CYTH3: variants seen among roughly 807,000 people sequenced by gnomAD.
CYTH3 encodes cytohesin 3.
Under a neutral mutation model 55.1 loss-of-function variants are expected in CYTH3, and 23 were observed. That is an observed-to-expected ratio of 0.42 (90% CI 0.30 to 0.59). The LOEUF is 0.59. Ranked by LOEUF, CYTH3 falls within the 20% of genes least tolerant of loss-of-function variation. The probability of loss-of-function intolerance (pLI) is 0.20; values close to 1 mark genes in which losing one functional copy is unlikely to be tolerated. For synonymous variants in CYTH3, 249 were observed against 194.9 expected, an observed-to-expected ratio of 1.28 and a Z score of -2.31; for missense variants, 413 against 524.8, an observed-to-expected ratio of 0.79 and a Z score of 2.08.
intron 1 of CYTH3, among the ~76,000 whole-genome samples, chr7:6,223,836 T>TA (rs58813864): frequency 0.049 from 1,191 of 24,322 alleles, 71 homozygotes; most frequent in Non-Finnish European, 0.069. Context: ...CAATAAATAC[T>TA]AAAAAAAAAA....
At chr7:6,250,183 T>C (rs1019699750) in intron 1 of CYTH3, among the ~76,000 whole-genome samples, 10 of 152,158 alleles carry the variant, frequency 6.6e-5, no homozygotes, top group African/African-American at 1.9e-4. Flanking sequence ...GGGAATTCTG[T>C]TTCTTGAACC....
chr7:6,224,169 C>A (rs1294257777), intron 1 of CYTH3, among the ~76,000 whole-genome samples: 1 of 152,146 alleles, frequency 6.6e-6, no homozygotes, highest in Non-Finnish European at 1.5e-5. Flanking sequence ...AGGTATCCAC[C>A]ACCATGCCTG....
intron 5 of CYTH3, among the ~76,000 whole-genome samples, chr7:6,176,965 G>A (rs542138396): frequency 1.3e-5 from 2 of 152,366 alleles, no homozygotes; most frequent in South Asian, 4.1e-4. Context: ...TGTATTTGTT[G>A]AGAAGATCAT....
At chr7:6,198,612 C>A (rs1783991978) in intron 1 of CYTH3, among the ~76,000 whole-genome samples, 1 of 152,168 alleles carries the variant, frequency 6.6e-6, no homozygotes, top group Admixed American at 6.5e-5. Flanking sequence ...TACTTGGACT[C>A]TGTTAGGTAA....
At chr7:6,176,546 G>C (rs1198568986) in intron 5 of CYTH3, among the ~76,000 whole-genome samples, 14 of 151,936 alleles carry the variant, frequency 9.2e-5, no homozygotes, top group African/African-American at 3.4e-4. Flanking sequence ...CAGGCATGAG[G>C]CACCACGCCT....
At chr7:6,188,328 G>T (rs1443951757) in intron 2 of CYTH3, among the ~76,000 whole-genome samples, 1 of 150,480 alleles carries the variant, frequency 6.6e-6, no homozygotes, top group Non-Finnish European at 1.5e-5. Flanking sequence ...GCAAGACTTG[G>T]TCTCTTTTTT....
chr7:6,212,923 A>G (rs1784354019), intron 1 of CYTH3, among the ~76,000 whole-genome samples: 1 of 152,248 alleles, frequency 6.6e-6, no homozygotes, highest in African/African-American at 2.4e-5. Context: ...CAGCTGCACC[A>G]TTTTACGTTC....
At chr7:6,218,799 G>A (rs1328714669) in intron 1 of CYTH3, among the ~76,000 whole-genome samples, 1 of 152,092 alleles carries the variant, frequency 6.6e-6, no homozygotes, top group Non-Finnish European at 1.5e-5. Flanking sequence ...GAGGTCAGGA[G>A]ATCGAGACCA....
intron 1 of CYTH3, among the ~76,000 whole-genome samples, chr7:6,266,258 A>G (rs1341663178): frequency 6.6e-6 from 1 of 152,166 alleles, no homozygotes; most frequent in East Asian, 1.9e-4. Flanking sequence ...CTGAAATGGA[A>G]GGCTTGGGTT....
intron 1 of CYTH3, among the ~76,000 whole-genome samples, chr7:6,267,601 G>A (rs1016779835): frequency 3.3e-5 from 5 of 152,142 alleles, no homozygotes; most frequent in African/African-American, 1.2e-4. Context: ...TCGGCTCATT[G>A]CAACCTCTGC....
At chr7:6,268,178 TG>T (rs1228561089) in intron 1 of CYTH3, among the ~76,000 whole-genome samples, 3 of 152,122 alleles carry the variant, frequency 2.0e-5, no homozygotes, top group Non-Finnish European at 4.4e-5. Flanking sequence ...AATTTTGTTT[TG>T]TTTTTTTGAG....
At chr7:6,220,100 G>T (rs750333705) in intron 1 of CYTH3, among the ~76,000 whole-genome samples, 1 of 151,756 alleles carries the variant, frequency 6.6e-6, no homozygotes, top group Non-Finnish European at 1.5e-5. Flanking sequence ...CCATGTTTGA[G>T]ACCACAGTCT....
intron 1 of CYTH3, among the ~76,000 whole-genome samples, chr7:6,226,852 G>T (rs1190968271): frequency 6.6e-6 from 1 of 152,076 alleles, no homozygotes; most frequent in African/African-American, 2.4e-5. Flanking sequence ...AGGCCAAGGT[G>T]GGCGGATCAC....
chr7:6,170,394 G>C lies in CYTH3; in HGVS notation c.823+141C>G, dbSNP rs1430463892. ...CCGTGGCCATGCAGCTACCGAGAGC[G>C]GGCTCTGGCTTAACCGCGTTTCTTT... On this transcript the variant is annotated intron_variant, in intron 9 of 12. Coordinates refer to ENST00000350796, the MANE Select transcript of CYTH3 (RefSeq NM_004227.4). This position sits in a 1 kb window ranked among gnomAD's most constrained non-coding sequence, Gnocchi z 7.8. 5.3e-6 allele frequency: 4 copies of C among 749,724 alleles called. No homozygotes were observed. The highest frequency in any genetic ancestry group is 6.4e-6 in the Non-Finnish European group (3 of 471,446). The allele number at this position is 749,724 out of a possible 1,614,324, so 46.4% of individuals were successfully genotyped here.
At chr7:6,272,410 G>GGGGGGGGGCCCCCCC in intron 1 of CYTH3, 64 bp downstream of exon 1, 2 of 1,216,618 alleles carry the variant, frequency 1.6e-6, no homozygotes, top group Non-Finnish European at 2.1e-6. Flanking sequence ...CCGCGCCCTC[G>GGGGGGGGGCCCCCCC]ACCCCCAGCC....
chr7:6,171,390 G>C lies in CYTH3; in HGVS notation c.450-76C>G, dbSNP rs138496695. 3,087 of 1,399,452 alleles carry C rather than the reference G, an allele frequency of 2.2e-3. 51 individuals carry two copies. The African/African-American group carries it at 0.036, about 16-fold the overall frequency. The allele number at this position is 1,399,452 out of a possible 1,614,324, so 86.7% of individuals were successfully genotyped here. A position where few individuals can be genotyped will look rare whatever the true frequency, so the allele number is the denominator to read the frequency against. On this transcript the variant is annotated intron_variant, in intron 6 of 12. Coordinates refer to ENST00000350796, the MANE Select transcript of CYTH3 (RefSeq NM_004227.4). This position sits in a 1 kb window ranked among gnomAD's most constrained non-coding sequence, Gnocchi z 6.7. ...CACGGCCAAGGGCGGCTTCTGCCCA[G>C]CTCAGGAAGGACGTTTTCCTCCCGA...
intron 1 of CYTH3, among the ~76,000 whole-genome samples, chr7:6,220,588 A>C (rs923230802): frequency 2.6e-5 from 4 of 151,282 alleles, no homozygotes; most frequent in African/African-American, 9.8e-5. Context: ...AAAAAAAAAA[A>C]AAAAAAACCA....
chr7:6,262,417 CAT>C (rs977059797), intron 1 of CYTH3, among the ~76,000 whole-genome samples: 9 of 152,170 alleles, frequency 5.9e-5, no homozygotes, highest in Non-Finnish European at 1.5e-5. Context: ...GGACACACCA[CAT>C]AACAGCTGAA....
chr7:6,182,291 C>A (rs948645148), intron 4 of CYTH3, among the ~76,000 whole-genome samples: 1 of 152,180 alleles, frequency 6.6e-6, no homozygotes, highest in African/African-American at 2.4e-5. Flanking sequence ...CTCAGGCAAT[C>A]CACCCACCCC....
Sources: allele counts gnomAD v4.1 joint callset (sites outside exome capture counted in the v4.1 genomes callset), GRCh38; gene constraint gnomAD v4.1.1; non-coding constraint Gnocchi (gnomAD v3.1); transcripts MANE v1.5; gene names NCBI Gene and HGNC (gene_info 2026-07-23, HGNC 2026-07-21).